The following KCNN2 variants were observed in gnomAD, a reference collection of about 807,000 sequenced individuals.
KCNN2 encodes small conductance calcium-activated potassium channel protein 2.
Under a neutral mutation model 55.5 loss-of-function variants are expected in KCNN2, and 24 were observed. That is an observed-to-expected ratio of 0.43 (90% confidence interval 0.31 to 0.61). The LOEUF is 0.61. Ranked by LOEUF, KCNN2 falls within the 20% of genes least tolerant of loss-of-function variation. The pLI, the probability that KCNN2 is intolerant of heterozygous loss-of-function variation, is 0.08. For missense variants in KCNN2, 754 were observed against 853.6 expected (o/e 0.88, Z 1.45); for synonymous variants, 431 against 336.1 (o/e 1.28, Z -3.09).
chr5:114,081,452 A>G (rs1280923186), intron 1 of KCNN2, among the ~76,000 whole-genome samples: 1 of 152,228 alleles, frequency 6.6e-6, no homozygotes, highest in Non-Finnish European at 1.5e-5. Context: ...GACCAATGGA[A>G]TAGAATAGAG....
At position 114,096,395 on chromosome 5, in the gene KCNN2, A is replaced by G. The variant is rs77128445; in HGVS notation, c.-271+39895A>G. Among the ~76,000 whole-genome samples the G allele has an allele frequency of 1.5e-3, 236 of 152,286 alleles. 1 individual carries two copies. The highest frequency in any genetic ancestry group is 5.5e-3 in the African/African-American group (229 of 41,566). ...GATCCCTGGCTTATTTGGTAATACA[A>G]TCTCAATTTACAAGTTCTATTACAT... On this transcript the variant is annotated intron_variant, in intron 1 of 10. Coordinates refer to the KCNN2 transcript ENST00000512097.
At chr5:114,463,004 T>C (rs566336111) in intron 3 of KCNN2, 45 bp from the exon 4 acceptor site, 8 of 1,579,996 alleles carry the variant, frequency 5.1e-6, no homozygotes, top group East Asian at 2.2e-5. Context: ...AACTATCATA[T>C]TGGAGATTAA....
At chr5:114,335,848 G>T (rs1236625771) in intron 2 of KCNN2, among the ~76,000 whole-genome samples, 1 of 152,146 alleles carries the variant, frequency 6.6e-6, no homozygotes, top group South Asian at 2.1e-4. Context: ...AATGAAAAGA[G>T]CTTCAAGAAA....
At chr5:114,422,658 C>A (rs1002421506) in intron 3 of KCNN2, among the ~76,000 whole-genome samples, 27 of 152,164 alleles carry the variant, frequency 1.8e-4, no homozygotes, top group Non-Finnish European at 2.9e-4. Flanking sequence ...ATAAAAAAAA[C>A]GAGGATCATA....
At chr5:114,424,036 G>A (rs542694750) in intron 3 of KCNN2, among the ~76,000 whole-genome samples, 1 of 152,154 alleles carries the variant, frequency 6.6e-6, no homozygotes, top group Non-Finnish European at 1.5e-5. Context: ...GGGAAAATAC[G>A]GAGTCTGGAT....
intron 4 of KCNN2, among the ~76,000 whole-genome samples, chr5:114,471,379 T>A (rs1320215130): frequency 6.6e-6 from 1 of 152,248 alleles, no homozygotes; most frequent in Non-Finnish European, 1.5e-5. Flanking sequence ...ACAGTATTGT[T>A]ATTGTTTAAA....
chr5:114,261,680 A>T lies in KCNN2; in HGVS notation c.-185+40115A>T, dbSNP rs144244996. 3.3e-5 allele frequency among the ~76,000 whole-genome samples: 5 copies of T among 152,342 alleles called. No homozygotes were observed. In the East Asian group the frequency reaches 7.7e-4, roughly 24 times the overall value. On this transcript the variant is annotated intron_variant, in intron 2 of 10. Transcript: ENST00000512097. ...ATGAGGTTGTGGGGTGAGCAGGCAG[A>T]TAACTCCACCTATGTATTGCCAAAG...
intron 1 of KCNN2, among the ~76,000 whole-genome samples, chr5:114,105,195 G>A (rs1487222): frequency 0.52 from 78,207 of 151,744 alleles, 21,557 homozygotes; most frequent in African/African-American, 0.73. Flanking sequence ...TGCACACCCC[G>A]CAGAGCCTAT....
chr5:114,109,884 A>G (rs535110743), intron 1 of KCNN2, among the ~76,000 whole-genome samples: 3 of 152,182 alleles, frequency 2.0e-5, no homozygotes, highest in Admixed American at 2.0e-4. Flanking sequence ...GGGTAGTACT[A>G]TGATTTGAAA....
chr5:114,337,623 C>A (rs919151480), intron 2 of KCNN2, among the ~76,000 whole-genome samples: 1 of 152,102 alleles, frequency 6.6e-6, no homozygotes, highest in Non-Finnish European at 1.5e-5. Flanking sequence ...AGTTCTTCTT[C>A]TTTGTCTTGC....
intron 1 of KCNN2, among the ~76,000 whole-genome samples, chr5:114,176,197 A>C (rs1190661295): frequency 6.6e-6 from 1 of 152,206 alleles, no homozygotes; most frequent in Non-Finnish European, 1.5e-5. Flanking sequence ...ACACGATGCC[A>C]GTGCACCCTT....
chr5:114,177,698 A>AT (rs1753164646), intron 1 of KCNN2, among the ~76,000 whole-genome samples: 1 of 152,088 alleles, frequency 6.6e-6, no homozygotes, highest in South Asian at 2.1e-4. Flanking sequence ...TACTTTAATT[A>AT]AAATTGTGCT....
upstream of KCNN2, among the ~76,000 whole-genome samples, chr5:114,361,441 C>T (rs767269591): frequency 6.6e-6 from 1 of 152,238 alleles, no homozygotes; most frequent in Admixed American, 6.5e-5. Context: ...ATTCTCCCCA[C>T]ACGCTGCTGC....
intron 4 of KCNN2, among the ~76,000 whole-genome samples, chr5:114,471,553 GAAGTA>G (rs1052226951): frequency 3.3e-5 from 5 of 152,162 alleles, no homozygotes; most frequent in African/African-American, 4.8e-5. Context: ...ATTATGAGAT[GAAGTA>G]AAGAGTAGGA....
chr5:114,461,583 G>A (rs1336672150), intron 3 of KCNN2, among the ~76,000 whole-genome samples: 1 of 152,142 alleles, frequency 6.6e-6, no homozygotes, highest in Non-Finnish European at 1.5e-5. Context: ...GAAGGCAAAG[G>A]GACAAATGTG....
intron 1 of KCNN2, among the ~76,000 whole-genome samples, chr5:114,068,958 T>A (rs1364075187): frequency 1.3e-5 from 2 of 152,190 alleles, no homozygotes; most frequent in African/African-American, 2.4e-5. Flanking sequence ...GGATTACAAG[T>A]GCCTGCCAAC....
intron 2 of KCNN2, among the ~76,000 whole-genome samples, chr5:114,292,050 C>A (rs2150018178): frequency 6.6e-6 from 1 of 151,520 alleles, no homozygotes; most frequent in South Asian, 2.1e-4. Context: ...TTGTTTGTTT[C>A]TTGTAAATTT....
At chr5:114,190,623 A>G (rs991576216) in intron 1 of KCNN2, among the ~76,000 whole-genome samples, 2 of 152,168 alleles carry the variant, frequency 1.3e-5, no homozygotes, top group African/African-American at 4.8e-5. Flanking sequence ...CTGTATCTAC[A>G]ATATATGGTA....
At chr5:114,229,390 T>G (rs1163716067) in intron 2 of KCNN2, among the ~76,000 whole-genome samples, 2 of 151,968 alleles carry the variant, frequency 1.3e-5, no homozygotes, top group Non-Finnish European at 2.9e-5. Flanking sequence ...CTGGCCTGGT[T>G]ATTTTCTCCT....
Sources: gnomAD v4.1 joint callset for allele counts (sites outside exome capture counted in the v4.1 genomes callset) on GRCh38, gnomAD v4.1.1 for gene constraint, MANE v1.5 for transcripts, NCBI Gene and HGNC (gene_info 2026-07-23, HGNC 2026-07-21) for gene names.